OXCT1: variants seen among roughly 807,000 people sequenced by gnomAD.
The protein encoded by OXCT1 is 3-oxoacid CoA-transferase 1, also known as succinyl-CoA:3-ketoacid coenzyme A transferase 1, mitochondrial.
In OXCT1, 27 loss-of-function variants were observed where a neutral mutation model predicts 69.6. That is an observed-to-expected ratio of 0.39 (90% CI 0.29 to 0.54). The LOEUF is 0.54. Ranked by LOEUF, OXCT1 falls within the 20% of genes least tolerant of loss-of-function variation. The pLI, the probability that OXCT1 is intolerant of heterozygous loss-of-function variation, is 0.72. For missense variants in OXCT1, 437 were observed against 650.2 expected, an observed-to-expected ratio of 0.67 and a Z score of 3.57; for synonymous variants, 202 against 217.8, an observed-to-expected ratio of 0.93 and a Z score of 0.64.
intron 7 of OXCT1, among the ~76,000 whole-genome samples, chr5:41,827,729 G>A (rs1747876914): frequency 6.6e-6 from 1 of 152,112 alleles, no homozygotes; most frequent in Non-Finnish European, 1.5e-5. Context: ...CTGATTTGAG[G>A]CTTTACCTTA....
intron 13 of OXCT1, among the ~76,000 whole-genome samples, chr5:41,767,451 A>T (rs947067450): frequency 6.6e-6 from 1 of 151,804 alleles, no homozygotes; most frequent in East Asian, 1.9e-4. Flanking sequence ...ATTCTGATAA[A>T]CTCAAATTTT....
chr5:41,772,818 G>A (rs972551852), intron 13 of OXCT1, among the ~76,000 whole-genome samples: 1 of 152,102 alleles, frequency 6.6e-6, no homozygotes, highest in Non-Finnish European at 1.5e-5. Flanking sequence ...TCTAACCACC[G>A]GTTTGCTAAG....
At chr5:41,760,262 A>G (rs947596037) in intron 14 of OXCT1, among the ~76,000 whole-genome samples, 9 of 152,134 alleles carry the variant, frequency 5.9e-5, no homozygotes, top group African/African-American at 1.9e-4. Flanking sequence ...TTTACTGTGA[A>G]TAATTCATTA....
intron 7 of OXCT1, among the ~76,000 whole-genome samples, chr5:41,832,001 T>C (rs1748121483): frequency 6.6e-6 from 1 of 152,142 alleles, no homozygotes; most frequent in Non-Finnish European, 1.5e-5. Context: ...ATGGTGGAAT[T>C]GAAGCCATTT....
At chr5:41,771,348 A>C (rs1256893251) in intron 13 of OXCT1, among the ~76,000 whole-genome samples, 5 of 152,252 alleles carry the variant, frequency 3.3e-5, no homozygotes, top group Non-Finnish European at 7.3e-5. Context: ...TTATTAAGTG[A>C]ACAGTTAGAA....
intron 7 of OXCT1, among the ~76,000 whole-genome samples, chr5:41,815,839 G>T (rs1039395107): frequency 6.6e-6 from 1 of 152,158 alleles, no homozygotes; most frequent in Non-Finnish European, 1.5e-5. Context: ...AAAAGTTCGT[G>T]TTGGGTTTTT....
chr5:41,781,086 G>A (rs1384197110), intron 13 of OXCT1, among the ~76,000 whole-genome samples: 1 of 151,922 alleles, frequency 6.6e-6, no homozygotes, highest in East Asian at 1.9e-4. Context: ...TATTTTTTTA[G>A]TAGAGACGGG....
intron 15 of OXCT1, among the ~76,000 whole-genome samples, chr5:41,742,743 C>T (rs539976130): frequency 1.3e-5 from 2 of 152,092 alleles, no homozygotes; most frequent in East Asian, 3.9e-4. Context: ...GTTTTCTGTC[C>T]TTGTGACAGT....
intron 14 of OXCT1, among the ~76,000 whole-genome samples, chr5:41,753,702 T>C (rs561692975): frequency 1.3e-5 from 2 of 152,158 alleles, no homozygotes; most frequent in East Asian, 3.9e-4. Context: ...CCACCTCCAT[T>C]AGATGCTGAG....
chr5:41,848,410 T>C (rs959272810), intron 5 of OXCT1, among the ~76,000 whole-genome samples: 3 of 148,844 alleles, frequency 2.0e-5, no homozygotes, highest in African/African-American at 4.9e-5. Flanking sequence ...AATGACTTTC[T>C]TCACAGAATT....
chr5:41,770,522 A>C (rs1399413918), intron 13 of OXCT1, among the ~76,000 whole-genome samples: 1 of 152,204 alleles, frequency 6.6e-6, no homozygotes, highest in East Asian at 1.9e-4. Flanking sequence ...GTCCTAAGAA[A>C]CTGGATACCC....
chr5:41,797,933 A>G (rs977095333), intron 11 of OXCT1, among the ~76,000 whole-genome samples: 2 of 152,184 alleles, frequency 1.3e-5, no homozygotes, highest in African/African-American at 4.8e-5. Flanking sequence ...ATGAACAAAT[A>G]ATTACAAGGC....
At chr5:41,780,321 T>C (rs976684327) in intron 13 of OXCT1, among the ~76,000 whole-genome samples, 2 of 152,186 alleles carry the variant, frequency 1.3e-5, no homozygotes, top group African/African-American at 4.8e-5. Context: ...ATGACATTGA[T>C]AAATTCAGGG....
chr5:41,798,568 C>T (rs988659326), intron 11 of OXCT1, among the ~76,000 whole-genome samples: 20 of 152,142 alleles, frequency 1.3e-4, no homozygotes, highest in African/African-American at 4.1e-4. Flanking sequence ...TTGAAAACGA[C>T]TAGTGCAGAG....
chr5:41,739,256 T>C, intron 16 of OXCT1, 134 bp downstream of exon 16: 1 of 696,532 alleles, frequency 1.4e-6, no homozygotes, highest in South Asian at 1.5e-5. Flanking sequence ...GAGGCACCCT[T>C]CCTTCTACTC....
At chr5:41,743,691 T>C (rs1397150252) in intron 15 of OXCT1, among the ~76,000 whole-genome samples, 3 of 152,232 alleles carry the variant, frequency 2.0e-5, no homozygotes, top group Non-Finnish European at 4.4e-5. Flanking sequence ...TTCAGCTTTC[T>C]ACATATGGCT....
At chr5:41,831,248 G>A (rs1192158166) in intron 7 of OXCT1, among the ~76,000 whole-genome samples, 4 of 152,146 alleles carry the variant, frequency 2.6e-5, no homozygotes, top group Non-Finnish European at 4.4e-5. Context: ...CAAACCACCA[G>A]GGAAGCTCTT....
At chr5:41,821,394 A>G (rs940196619) in intron 7 of OXCT1, among the ~76,000 whole-genome samples, 2 of 152,246 alleles carry the variant, frequency 1.3e-5, no homozygotes, top group Non-Finnish European at 2.9e-5. Flanking sequence ...AGTCTATCAC[A>G]TATTCTACAT....
chr5:41,741,648 T>C (rs1268448895), intron 15 of OXCT1, among the ~76,000 whole-genome samples: 2 of 152,160 alleles, frequency 1.3e-5, no homozygotes, highest in Admixed American at 6.5e-5. Context: ...TTAATATTTT[T>C]CCCCAGAAAC....
Sources: gnomAD v4.1 joint callset for allele counts (sites outside exome capture counted in the v4.1 genomes callset) on GRCh38, gnomAD v4.1.1 for gene constraint, MANE v1.5 for transcripts, NCBI Gene and HGNC (gene_info 2026-07-23, HGNC 2026-07-21) for gene names.